HPF1: variants seen among roughly 807,000 people sequenced by gnomAD.
HPF1 encodes the protein histone PARylation factor 1, also known as UPF0609 protein C4orf27.
Under a neutral mutation model 38.8 loss-of-function variants are expected in HPF1, and 35 were observed. The ratio of observed to expected loss-of-function variants is 0.90; its 90% confidence interval spans 0.69 to 1.19. HPF1 has a LOEUF of 1.19. Ranked by LOEUF, HPF1 falls within the 50% of genes most tolerant of loss-of-function variation. The pLI is 0.00. For missense variants in HPF1, 367 were observed against 405.8 expected, an observed-to-expected ratio of 0.90 and a Z score of 0.82; for synonymous variants, 115 against 139.2, an observed-to-expected ratio of 0.83 and a Z score of 1.22.
chr4:169,732,253 GC>G (rs1733840134), intron 6 of HPF1, among the ~76,000 whole-genome samples: 1 of 149,690 alleles, frequency 6.7e-6, no homozygotes, highest in African/African-American at 2.5e-5. Context: ...CAATTCTCCT[GC>G]CCCAGCCTCC....
intron 4 of HPF1, among the ~76,000 whole-genome samples, chr4:169,746,723 G>A: frequency 6.6e-6 from 1 of 151,904 alleles, no homozygotes; most frequent in Non-Finnish European, 1.5e-5. Context: ...ATTTAAGGAG[G>A]TAGTACCTAA....
chr4:169,757,869 G>T lies in HPF1; in HGVS notation c.9C>A (p.Gly3=). 6.4e-7 allele frequency: 1 copy of T among 1,561,658 alleles called. No homozygotes were observed. The part of the protein sequence containing the change: MV[G]GGGKRRPGGE... Reference sequence around the variant, plus strand: ...CGCCGGGCCTGCGCTTCCCGCCACCGCCGACCATTCTGCAGCTGCAGCGCC... The same window carrying T: ...CGCCGGGCCTGCGCTTCCCGCCACCTCCGACCATTCTGCAGCTGCAGCGCC... Residue 3 remains glycine, a synonymous_variant, in exon 1 of 8, where the codon GGC becomes GGA. Coordinates refer to ENST00000393381, the MANE Select transcript of HPF1 (RefSeq NM_017867.3).
intron 1 of HPF1, among the ~76,000 whole-genome samples, chr4:169,757,278 C>A (rs1401890233): frequency 6.6e-6 from 1 of 152,224 alleles, no homozygotes; most frequent in Non-Finnish European, 1.5e-5. Flanking sequence ...GTCTCAGAAT[C>A]TTACTTCTCT....
At chr4:169,734,307 T>C (rs1733866764) in intron 6 of HPF1, among the ~76,000 whole-genome samples, 1 of 152,230 alleles carries the variant, frequency 6.6e-6, no homozygotes, top group South Asian at 2.1e-4. Context: ...TGGGTGTAAC[T>C]GATTGACTGG....
chr4:169,739,746 C>T (rs1183569546), intron 5 of HPF1, among the ~76,000 whole-genome samples: 2 of 152,094 alleles, frequency 1.3e-5, no homozygotes, highest in Admixed American at 1.3e-4. Flanking sequence ...CAAACTTTGA[C>T]CATAAGCACA....
rs970712763 is a variant in HPF1, at chr4:169,737,621, A to G, written c.736+39T>C. ...ATAAGCAAAACCTTTATTCATGTGC[A>G]TTAACATATATGCACATGTTTACTA... On this transcript the variant is annotated intron_variant, in intron 6 of 7. Transcript: ENST00000393381. The G allele has an allele frequency of 7.2e-6, 9 of 1,246,270 alleles. No homozygotes were observed. In the African/African-American group the frequency reaches 1.3e-4, roughly 18 times the overall value. The allele number at this position is 1,246,270 out of a possible 1,614,324, so 77.2% of individuals were successfully genotyped here. A position where few individuals can be genotyped will look rare whatever the true frequency, so the allele number is the denominator to read the frequency against.
intron 2 of HPF1, 55 bp from the exon 3 acceptor site, chr4:169,750,780 C>A: frequency 2.4e-6 from 3 of 1,269,586 alleles, no homozygotes; most frequent in Non-Finnish European, 3.3e-6. Context: ...GGAAATAATG[C>A]TTTTATTTAG....
At chr4:169,741,161 G>C (rs1275898145) in intron 5 of HPF1, among the ~76,000 whole-genome samples, 7 of 152,172 alleles carry the variant, frequency 4.6e-5, no homozygotes, top group Admixed American at 4.6e-4. Flanking sequence ...GATCAGAGAA[G>C]GAACTGAAGT....
intron 4 of HPF1, among the ~76,000 whole-genome samples, chr4:169,743,046 A>G (rs1733997482): frequency 6.6e-6 from 1 of 150,932 alleles, no homozygotes; most frequent in Non-Finnish European, 1.5e-5. Context: ...GGTTGCAGCC[A>G]TCCAGTCAGC....
chr4:169,757,247 A>G (rs1409361303), intron 1 of HPF1, among the ~76,000 whole-genome samples: 6 of 152,112 alleles, frequency 3.9e-5, no homozygotes, highest in Non-Finnish European at 8.8e-5. Flanking sequence ...CGCTACGCCC[A>G]AACATCTCCT....
chr4:169,746,780 T>C (rs1400307668), intron 4 of HPF1, among the ~76,000 whole-genome samples: 3 of 152,028 alleles, frequency 2.0e-5, no homozygotes, highest in Non-Finnish European at 4.4e-5. Context: ...AATAGTTATA[T>C]CTCAAGTAAT....
In HPF1 at chr4:169,737,828, C is replaced by G. The variant is rs1438887189; in HGVS notation, c.649-81G>C. 2.9e-5 allele frequency: 25 copies of G among 856,082 alleles called. No individual in the cohort carries two copies. In the Admixed American group the frequency reaches 4.8e-4, roughly 17 times the overall value. 53.0% of individuals were successfully genotyped at this position (856,082 alleles called of 1,614,324 possible). On this transcript the variant is annotated intron_variant, in intron 5 of 7. Transcript: ENST00000393381. ...AATCCCCAAATACATAAACCCTCAA[C>G]ATTTCTGCCAAAATGTAACATTTAA...
intron 5 of HPF1, among the ~76,000 whole-genome samples, chr4:169,740,557 C>T (rs1167891551): frequency 6.6e-6 from 1 of 152,114 alleles, no homozygotes; most frequent in African/African-American, 2.4e-5. Flanking sequence ...AATATGAATT[C>T]AATGAAGATC....
chr4:169,741,033 T>G (rs943328473), intron 5 of HPF1, among the ~76,000 whole-genome samples: 5 of 152,192 alleles, frequency 3.3e-5, no homozygotes, highest in African/African-American at 4.8e-5. Context: ...ATCTTAATAT[T>G]TAAAATGCCA....
Position 169,736,772 on chromosome 4 carries a change from C to A in HPF1, c.736+888G>T, listed in dbSNP as rs145167156. On this transcript the variant is annotated intron_variant, in intron 6 of 7. Coordinates refer to ENST00000393381, the MANE Select transcript of HPF1 (RefSeq NM_017867.3). ...GATTTCCCTTTAAGTTTTATCCCCC[C>A]AGAAGAGGATGATCAATAAAGGAAT... 4.7e-4 allele frequency among the ~76,000 whole-genome samples: 72 copies of A among 152,250 alleles called. 1 individual carries two copies. The East Asian group carries it at 0.014, about 29-fold the overall frequency.
Position 169,729,573 on chromosome 4 carries a change from C to G in HPF1, c.*5G>C. 1 of 1,518,892 alleles carries G rather than the reference C, an allele frequency of 6.6e-7. No homozygotes were observed. Among genetic ancestry groups the G allele is most frequent in the Non-Finnish European group, 8.8e-7 (1 of 1,134,600 alleles). 94.1% of individuals were successfully genotyped at this position (1,518,892 alleles called of 1,614,324 possible). A position where few individuals can be genotyped will look rare whatever the true frequency, so the allele number is the denominator to read the frequency against. On this transcript the variant is annotated 3_prime_UTR_variant, in exon 8 of 8. Coordinates refer to ENST00000393381, the MANE Select transcript of HPF1 (RefSeq NM_017867.3). The stretch of plus-strand genomic sequence containing the variant: ...AATACTGTACACCAATCAAAGCCAC[C>G]TTACTCATGCAGCAAGTTGGTCTAT...
intron 6 of HPF1, among the ~76,000 whole-genome samples, chr4:169,732,199 G>A (rs901989317): frequency 6.7e-6 from 1 of 149,254 alleles, no homozygotes; most frequent in Non-Finnish European, 1.5e-5. Flanking sequence ...GGAAAGCAGT[G>A]GTGCGATCTC....
intron 2 of HPF1, 144 bp downstream of exon 2, chr4:169,753,532 G>T: frequency 3.0e-6 from 2 of 675,234 alleles, no homozygotes; most frequent in African/African-American, 1.9e-5. Flanking sequence ...GTCTCACTAT[G>T]TTGACCAGGT....
chr4:169,755,330 AT>A (rs1345440296), intron 1 of HPF1, among the ~76,000 whole-genome samples: 2 of 152,022 alleles, frequency 1.3e-5, no homozygotes, highest in Admixed American at 6.5e-5. Flanking sequence ...TTATACATGA[AT>A]TTTTTTTCCA....
Sources: allele counts gnomAD v4.1 joint callset (sites outside exome capture counted in the v4.1 genomes callset), GRCh38; gene constraint gnomAD v4.1.1; transcripts MANE v1.5; gene names NCBI Gene and HGNC (gene_info 2026-07-23, HGNC 2026-07-21).